The following SLC4A4 variants were observed in gnomAD, a reference collection of about 807,000 sequenced individuals.
SLC4A4 encodes the protein electrogenic sodium bicarbonate cotransporter 1.
In SLC4A4, 27 loss-of-function variants were observed where a neutral mutation model predicts 111.5. The observed-to-expected ratio is 0.24, with a 90% CI of 0.18 to 0.33. SLC4A4 has a LOEUF of 0.33. Ranked by LOEUF, SLC4A4 falls within the 10% of genes least tolerant of loss-of-function variation. The pLI, the probability that SLC4A4 is intolerant of heterozygous loss-of-function variation, is 1.00. For synonymous variants in SLC4A4, 443 were observed against 463.4 expected (o/e 0.96, Z 0.57); for missense variants, 909 against 1,315.5 (o/e 0.69, Z 4.78).
chr4:71,401,444 T>C (rs1323744514), intron 7 of SLC4A4, among the ~76,000 whole-genome samples: 1 of 152,222 alleles, frequency 6.6e-6, no homozygotes, highest in Non-Finnish European at 1.5e-5. Context: ...ATTTAAAAAA[T>C]ACATCTGGAG....
At chr4:71,263,503 T>A (rs1722020403) in intron 3 of SLC4A4, among the ~76,000 whole-genome samples, 1 of 152,182 alleles carries the variant, frequency 6.6e-6, no homozygotes, top group Admixed American at 6.6e-5. Context: ...GTAAATAAAA[T>A]GCCCAGAAAT....
At chr4:71,483,836 T>A (rs1729117748) in intron 14 of SLC4A4, among the ~76,000 whole-genome samples, 1 of 151,968 alleles carries the variant, frequency 6.6e-6, no homozygotes, top group South Asian at 2.1e-4. Flanking sequence ...CCAGCATCTG[T>A]TATTTTTTGA....
intron 1 of SLC4A4, among the ~76,000 whole-genome samples, chr4:71,204,150 A>G (rs181706363): frequency 3.8e-4 from 58 of 152,322 alleles, no homozygotes; most frequent in African/African-American, 1.3e-3. Flanking sequence ...ACATGTCCTT[A>G]TGCTAATGGT....
chr4:71,413,420 T>G (rs1721564589), intron 7 of SLC4A4, among the ~76,000 whole-genome samples: 1 of 152,220 alleles, frequency 6.6e-6, no homozygotes, highest in South Asian at 2.1e-4. Context: ...ACTGGATGTT[T>G]TATTGACAAT....
At chr4:71,347,260 C>T (rs554678509) in intron 4 of SLC4A4, among the ~76,000 whole-genome samples, 1 of 152,242 alleles carries the variant, frequency 6.6e-6, no homozygotes, top group South Asian at 2.1e-4. Flanking sequence ...GGTTTTGCTT[C>T]TTTTTCTTTT....
intron 1 of SLC4A4, among the ~76,000 whole-genome samples, chr4:71,210,623 G>A (rs1319065633): frequency 6.6e-6 from 1 of 152,114 alleles, no homozygotes; most frequent in Non-Finnish European, 1.5e-5. Flanking sequence ...AAAATCTTAG[G>A]GAAATTAACA....
chr4:71,155,525 C>G lies in SLC4A4; in HGVS notation c.-2+62733C>G, dbSNP rs113078988. ...TTACCCAGGCTGGAGTGCAGTGGCA[C>G]CATTATAGCTCACTGCAGCCTTGAA... On this transcript the variant is annotated intron_variant, in intron 2 of 26. Coordinates refer to the SLC4A4 transcript ENST00000649996. 5.2e-3 allele frequency among the ~76,000 whole-genome samples: 798 copies of G among 152,154 alleles called. 9 individuals are homozygous for G. The highest frequency in any genetic ancestry group is 0.018 in the African/African-American group (763 of 41,516).
intron 1 of SLC4A4, among the ~76,000 whole-genome samples, chr4:71,087,593 T>C (rs997624883): frequency 6.6e-6 from 1 of 152,076 alleles, no homozygotes; most frequent in Non-Finnish European, 1.5e-5. Context: ...CCAGAGATTC[T>C]GGTATGTTGT....
At chr4:71,523,237 C>G (rs1212303205) in intron 16 of SLC4A4, among the ~76,000 whole-genome samples, 1 of 149,868 alleles carries the variant, frequency 6.7e-6, no homozygotes, top group Non-Finnish European at 1.5e-5. Flanking sequence ...GACAACAAAG[C>G]AAACGACTCT....
rs1054792468 is a variant in SLC4A4 at position 71,397,144 on chromosome 4, G to T, written c.731-433G>T. On this transcript the variant is annotated intron_variant, in intron 6 of 25. Transcript: ENST00000264485. Reference sequence around the variant, plus strand: ...GCTGCAAAGGCCTGGGGGAGAGGAGGTCTGGGCCTGGCATCCAGGGTCAGC... The same window carrying T: ...GCTGCAAAGGCCTGGGGGAGAGGAGTTCTGGGCCTGGCATCCAGGGTCAGC... Among the ~76,000 whole-genome samples the T allele has an allele frequency of 9.5e-4, 145 of 152,276 alleles. 1 individual carries two copies. Among genetic ancestry groups the T allele is most frequent in the African/African-American group, 3.1e-3 (130 of 41,564 alleles).
At chr4:71,457,303 AG>A (rs1726365449) in intron 12 of SLC4A4, among the ~76,000 whole-genome samples, 1 of 152,218 alleles carries the variant, frequency 6.6e-6, no homozygotes, top group South Asian at 2.1e-4. Flanking sequence ...ACAATCATAC[AG>A]TTATAATGCT....
chr4:71,075,690 C>T (rs1435636012), intron 1 of SLC4A4, among the ~76,000 whole-genome samples: 2 of 152,176 alleles, frequency 1.3e-5, no homozygotes, highest in African/African-American at 4.8e-5. Context: ...GCAATCACGG[C>T]CGGGCGCGGT....
intron 3 of SLC4A4, among the ~76,000 whole-genome samples, chr4:71,322,736 G>A (rs564005091): frequency 1.3e-5 from 2 of 152,036 alleles, no homozygotes; most frequent in South Asian, 4.1e-4. Context: ...ACTGGAAATG[G>A]TGGTTATAAC....
intron 18 of SLC4A4, among the ~76,000 whole-genome samples, chr4:71,543,135 G>A (rs1735215871): frequency 6.6e-6 from 1 of 152,110 alleles, no homozygotes; most frequent in Admixed American, 6.6e-5. Flanking sequence ...CACTTATATT[G>A]AGACCTAAAA....
chr4:71,098,060 T>G (rs1423882243), intron 2 of SLC4A4, among the ~76,000 whole-genome samples: 1 of 152,218 alleles, frequency 6.6e-6, no homozygotes, highest in Non-Finnish European at 1.5e-5. Flanking sequence ...GTGCTTTTGT[T>G]GTGATGGCTT....
Position 71,377,596 on chromosome 4 carries a change from A to G in SLC4A4, c.731-19981A>G, listed in dbSNP as rs551585667. Reference sequence around the variant, plus strand: ...AAACATCTGTGTGGCCTAACAACACAGAAGTTTCTTTCTTACTCATGCTAC... The same window carrying G: ...AAACATCTGTGTGGCCTAACAACACGGAAGTTTCTTTCTTACTCATGCTAC... On this transcript the variant is annotated intron_variant, in intron 6 of 25. Coordinates refer to ENST00000264485, the MANE Select transcript of SLC4A4 (RefSeq NM_001098484.3). Among the ~76,000 whole-genome samples the G allele has an allele frequency of 4.6e-5, 7 of 152,268 alleles. No individual in the cohort carries two copies. The South Asian group carries it at 1.5e-3, about 32-fold the overall frequency.
intron 3 of SLC4A4, among the ~76,000 whole-genome samples, chr4:71,260,759 G>A (rs1191570254): frequency 6.6e-6 from 1 of 152,228 alleles, no homozygotes; most frequent in Non-Finnish European, 1.5e-5. Flanking sequence ...CATACCAGCA[G>A]TGTAACCTTG....
intron 1 of SLC4A4, among the ~76,000 whole-genome samples, chr4:71,068,118 G>A (rs1341911279): frequency 7.0e-6 from 1 of 142,572 alleles, no homozygotes; most frequent in Non-Finnish European, 1.5e-5. Context: ...AGGCTGGGGT[G>A]CAGTGGCATG....
At chr4:71,300,639 G>T in intron 3 of SLC4A4, 2 of 366,436 alleles carry the variant, frequency 5.5e-6, no homozygotes, top group Non-Finnish European at 5.5e-6. Context: ...GTGACGACAG[G>T]CTTGAGATGA....
Sources: allele counts gnomAD v4.1 joint callset (sites outside exome capture counted in the v4.1 genomes callset), GRCh38; gene constraint gnomAD v4.1.1; transcripts MANE v1.5; gene names NCBI Gene and HGNC (gene_info 2026-07-23, HGNC 2026-07-21).